Variants in MARCHF1 observed in about 807,000 individuals in gnomAD.
MARCHF1 encodes the protein E3 ubiquitin-protein ligase MARCHF1.
In MARCHF1, 40 loss-of-function variants were observed where a neutral mutation model predicts 54.2. The observed-to-expected ratio is 0.74, with a 90% CI of 0.57 to 0.96. The LOEUF (loss-of-function observed/expected upper bound fraction) is 0.96, where lower values mean the gene tolerates loss of function less well. Ranked by LOEUF, MARCHF1 falls within the 40% of genes least tolerant of loss-of-function variation. MARCHF1 has a pLI of 0.00. For synonymous variants in MARCHF1, 236 were observed against 236.3 expected (o/e 1.00, Z 0.01); for missense variants, 586 against 656.5 (o/e 0.89, Z 1.17).
chr4:163,818,701 A>G (rs1030989265), intron 4 of MARCHF1, among the ~76,000 whole-genome samples: 1 of 152,004 alleles, frequency 6.6e-6, no homozygotes, highest in African/African-American at 2.4e-5. Flanking sequence ...GGCTCTTCTC[A>G]AAATATTCCT....
At chr4:163,998,551 A>T (rs944804763) in intron 2 of MARCHF1, among the ~76,000 whole-genome samples, 13 of 151,752 alleles carry the variant, frequency 8.6e-5, no homozygotes, top group Non-Finnish European at 1.8e-4. Flanking sequence ...AATACAACAT[A>T]TTGTTATTAA....
At chr4:163,890,930 TA>T (rs929204496) in intron 3 of MARCHF1, among the ~76,000 whole-genome samples, 1 of 151,964 alleles carries the variant, frequency 6.6e-6, no homozygotes, top group African/African-American at 2.4e-5. Context: ...AACTAGTGCC[TA>T]AAAAAGGCAT....
intron 1 of MARCHF1, among the ~76,000 whole-genome samples, chr4:164,128,587 G>A (rs1302424206): frequency 6.6e-6 from 1 of 151,850 alleles, no homozygotes; most frequent in Non-Finnish European, 1.5e-5. Flanking sequence ...TCATCTATCA[G>A]GTTGGCAAAA....
intron 5 of MARCHF1, among the ~76,000 whole-genome samples, chr4:163,690,450 G>A (rs1744411887): frequency 6.6e-6 from 1 of 152,158 alleles, no homozygotes; most frequent in Admixed American, 6.5e-5. Context: ...GTTAAAGGTA[G>A]AGTTGAAAGA....
chr4:164,298,557 C>G (rs996508185), intron 1 of MARCHF1, among the ~76,000 whole-genome samples: 2 of 151,954 alleles, frequency 1.3e-5, no homozygotes, highest in African/African-American at 4.8e-5. Context: ...GATGCAATAC[C>G]TTTACACGGA....
intron 3 of MARCHF1, among the ~76,000 whole-genome samples, chr4:163,970,170 G>A (rs1752521536): frequency 6.6e-6 from 1 of 152,136 alleles, no homozygotes; most frequent in South Asian, 2.1e-4. Flanking sequence ...TAGGCACATG[G>A]TAGGTGTTTT....
intron 1 of MARCHF1, among the ~76,000 whole-genome samples, chr4:164,221,002 T>C (rs1732096166): frequency 6.6e-6 from 1 of 151,932 alleles, no homozygotes; most frequent in African/African-American, 2.4e-5. Flanking sequence ...CTGAAAAACG[T>C]GGAAAACAAA....
At chr4:164,375,421 G>A (rs1731157051) in intron 1 of MARCHF1, among the ~76,000 whole-genome samples, 1 of 152,074 alleles carries the variant, frequency 6.6e-6, no homozygotes, top group Admixed American at 6.6e-5. Flanking sequence ...TCATCACCAT[G>A]AGCTGGAACA....
At chr4:164,210,947 C>T (rs1231658051) in intron 1 of MARCHF1, among the ~76,000 whole-genome samples, 1 of 151,838 alleles carries the variant, frequency 6.6e-6, no homozygotes, top group East Asian at 1.9e-4. Context: ...GTAAAATAAG[C>T]CAGGTATAGA....
Position 163,616,713 on chromosome 4 carries a change from C to CT in MARCHF1, c.163-3321dup, listed in dbSNP as rs1390273899. 5.3e-3 allele frequency among the ~76,000 whole-genome samples: 788 copies of CT among 149,410 alleles called. 21 individuals carry two copies. Among genetic ancestry groups the CT allele is most frequent in the East Asian group, 2.6e-3 (13 of 4,942 alleles). ...GGGCAACATAGTGAGACCCCTGTCTCTGAAAACACACACACACACACACAA... is the reference window on the plus strand; with the variant it reads ...GGGCAACATAGTGAGACCCCTGTCTCTTGAAAACACACACACACACACACAA... On this transcript the variant is annotated intron_variant, in intron 5 of 9. Coordinates refer to ENST00000514618, the MANE Select transcript of MARCHF1 (RefSeq NM_001394959.1).
intron 3 of MARCHF1, among the ~76,000 whole-genome samples, chr4:163,874,520 A>G (rs1037848200): frequency 6.6e-6 from 1 of 152,138 alleles, no homozygotes; most frequent in Non-Finnish European, 1.5e-5. Context: ...TTTAAAGTCT[A>G]CTTAGATAGC....
At chr4:163,798,262 T>C (rs761939176) in intron 4 of MARCHF1, among the ~76,000 whole-genome samples, 1 of 152,148 alleles carries the variant, frequency 6.6e-6, no homozygotes, top group Admixed American at 6.5e-5. Context: ...ATTGTGAGGA[T>C]AAAGCAAGAA....
intron 1 of MARCHF1, among the ~76,000 whole-genome samples, chr4:164,130,452 AATTTC>A (rs1487695380): frequency 5.3e-5 from 8 of 152,154 alleles, no homozygotes; most frequent in Non-Finnish European, 7.4e-5. Flanking sequence ...AGATTCTAAC[AATTTC>A]ATTTCATTTT....
chr4:163,540,254 C>A (rs1738678402), intron 9 of MARCHF1, among the ~76,000 whole-genome samples: 1 of 152,094 alleles, frequency 6.6e-6, no homozygotes, highest in Non-Finnish European at 1.5e-5. Context: ...CAGAAGAGAA[C>A]CTGTTTCACT....
In MARCHF1 at chr4:163,761,143, G is replaced by A. The variant is rs531623112; in HGVS notation, c.112-60280C>T. On this transcript the variant is annotated intron_variant, in intron 4 of 9. Transcript: ENST00000514618. ...TGAGAAAAATACAAGAATTTCTAGT[G>A]CTGATGTTTATCAGTCATATTGTAA... 1.7e-3 allele frequency among the ~76,000 whole-genome samples: 264 copies of A among 152,292 alleles called. 3 individuals carry two copies. The highest frequency in any genetic ancestry group is 2.9e-3 in the Non-Finnish European group (197 of 68,018).
intron 2 of MARCHF1, among the ~76,000 whole-genome samples, chr4:164,070,207 T>C (rs1754833576): frequency 3.9e-5 from 6 of 152,200 alleles, no homozygotes; most frequent in Admixed American, 3.9e-4. Flanking sequence ...GCAGTGAACC[T>C]AAACATATAC....
intron 1 of MARCHF1, among the ~76,000 whole-genome samples, chr4:164,271,960 T>C (rs1733755343): frequency 6.6e-6 from 1 of 151,648 alleles, no homozygotes; most frequent in South Asian, 2.1e-4. Flanking sequence ...AAATAAGACA[T>C]AGAACAAGCA....
intron 1 of MARCHF1, among the ~76,000 whole-genome samples, chr4:164,172,699 T>C (rs1258433677): frequency 2.6e-5 from 4 of 152,202 alleles, no homozygotes; most frequent in Non-Finnish European, 1.5e-5. Flanking sequence ...CACTACAGGC[T>C]GGGCGCGGTG....
chr4:163,562,516 CT>C (rs1739504593), intron 8 of MARCHF1, among the ~76,000 whole-genome samples: 1 of 152,088 alleles, frequency 6.6e-6, no homozygotes, highest in Non-Finnish European at 1.5e-5. Flanking sequence ...TTCTCATTCT[CT>C]TTTGCTCCTC....
Sources: gnomAD v4.1 joint callset for allele counts (sites outside exome capture counted in the v4.1 genomes callset) on GRCh38, gnomAD v4.1.1 for gene constraint, MANE v1.5 for transcripts, NCBI Gene and HGNC (gene_info 2026-07-23, HGNC 2026-07-21) for gene names.